The following CYRIB variants were observed in gnomAD, a reference collection of about 807,000 sequenced individuals.
The protein encoded by CYRIB is CYFIP-related Rac1 interactor B.
CYRIB carries 8 observed loss-of-function variants against 44.2 expected under a neutral mutation model. The observed-to-expected ratio is 0.18, with a 90% CI of 0.11 to 0.33. CYRIB has a LOEUF of 0.33. CYRIB is among the 10% of genes least tolerant of loss of function. The probability of loss-of-function intolerance (pLI) is 1.00; values close to 1 mark genes in which losing one functional copy is unlikely to be tolerated. For missense variants in CYRIB, 185 were observed against 382.8 expected, an observed-to-expected ratio of 0.48 and a Z score of 4.31; for synonymous variants, 131 against 127.2, an observed-to-expected ratio of 1.03 and a Z score of -0.20.
chr8:129,932,180 A>G (rs1305251657), intron 1 of CYRIB, among the ~76,000 whole-genome samples: 1 of 151,842 alleles, frequency 6.6e-6, no homozygotes, highest in South Asian at 2.1e-4. Flanking sequence ...TTGCATTTTC[A>G]GTAGAGACAG....
upstream of CYRIB, among the ~76,000 whole-genome samples, chr8:129,944,155 C>A (rs1590801495): frequency 6.6e-6 from 1 of 152,090 alleles, no homozygotes; most frequent in African/African-American, 2.4e-5. Context: ...TGTTTTATAT[C>A]AGGATCACTC....
intron 2 of CYRIB, among the ~76,000 whole-genome samples, chr8:129,897,468 TTAA>T (rs2068642246): frequency 6.6e-6 from 1 of 151,822 alleles, no homozygotes; most frequent in Non-Finnish European, 1.5e-5. Context: ...CCTGTGCTAC[TTAA>T]CAAACCATTA....
chr8:129,967,546 A>ATT (rs1303365847), intron 2 of CYRIB, among the ~76,000 whole-genome samples: 1 of 151,196 alleles, frequency 6.6e-6, no homozygotes, highest in Non-Finnish European at 1.5e-5. Context: ...TGCCCGGCTA[A>ATT]TTTTTTGTAT....
At chr8:129,861,622 GT>G (rs573688560) in intron 5 of CYRIB, among the ~76,000 whole-genome samples, 6,312 of 137,010 alleles carry the variant, frequency 0.046, 214 homozygotes, top group African/African-American at 0.099. Flanking sequence ...TTTGTTTGTT[GT>G]TTTTTTTTTT....
At chr8:129,865,219 A>G (rs1326738133) in intron 4 of CYRIB, among the ~76,000 whole-genome samples, 1 of 152,228 alleles carries the variant, frequency 6.6e-6, no homozygotes, top group Non-Finnish European at 1.5e-5. Context: ...CTAGTAAGAT[A>G]AACTTTGGAG....
At chr8:129,852,326 T>C (rs1490116357) in intron 7 of CYRIB, 48 bp from the exon 10 acceptor site, 3 of 1,202,398 alleles carry the variant, frequency 2.5e-6, no homozygotes, top group Admixed American at 2.6e-5. Flanking sequence ...AATTATTACA[T>C]ATAATAACAA....
intron 1 of CYRIB, among the ~76,000 whole-genome samples, chr8:130,000,376 G>A (rs768609527): frequency 1.3e-5 from 2 of 152,022 alleles, no homozygotes; most frequent in Non-Finnish European, 2.9e-5. Context: ...ATAAATCCTG[G>A]GCATGAAATG....
At chr8:129,864,474 CA>C (rs1236122150) in intron 4 of CYRIB, 3 of 166,540 alleles carry the variant, frequency 1.8e-5, no homozygotes, top group Non-Finnish European at 4.0e-5. Context: ...TCAAATAAGC[CA>C]AGATGGGTAC....
intron 1 of CYRIB, among the ~76,000 whole-genome samples, chr8:130,003,573 GA>G (rs1317122709): frequency 6.6e-6 from 1 of 150,702 alleles, no homozygotes; most frequent in Non-Finnish European, 1.5e-5. Context: ...CTGCCCTGCT[GA>G]ATGAGAGATC....
chr8:129,865,112 G>A (rs2052701098), intron 4 of CYRIB: 1 of 153,532 alleles, frequency 6.5e-6, no homozygotes, highest in Non-Finnish European at 1.4e-5. Context: ...GGATAGTTAT[G>A]TCTGTTTACA....
chr8:129,873,124 T>C (rs989869154), intron 3 of CYRIB, among the ~76,000 whole-genome samples: 4 of 152,034 alleles, frequency 2.6e-5, no homozygotes, highest in African/African-American at 7.2e-5. Flanking sequence ...GTAACATTCA[T>C]ATGTAAAGTC....
chr8:129,972,205 G>C (rs1346770906), intron 1 of CYRIB, among the ~76,000 whole-genome samples: 10 of 152,132 alleles, frequency 6.6e-5, no homozygotes, highest in African/African-American at 2.4e-4. Context: ...GCCAGTGTAG[G>C]TTTTCTTTCT....
chr8:129,910,178 A>T (rs1043090586), intron 1 of CYRIB, among the ~76,000 whole-genome samples: 1 of 152,188 alleles, frequency 6.6e-6, no homozygotes, highest in Admixed American at 6.5e-5. Context: ...AGATGTGGCC[A>T]GAAGGCCCAG....
chr8:129,850,834 C>T lies in CYRIB; in HGVS notation c.713+1G>A. On this transcript the variant is annotated splice_donor_variant, in intron 9 of 11. Coordinates refer to ENST00000519824, the Ensembl canonical transcript of CYRIB. LOFTEE classifies it high-confidence loss of function. ...AGTGAAAAAGATCAGCTGATACTCACGGTGTTTCCAGCATGACTCTGCATA... is the reference window on the plus strand; with the variant it reads ...AGTGAAAAAGATCAGCTGATACTCATGGTGTTTCCAGCATGACTCTGCATA... The T allele has an allele frequency of 6.2e-7, 1 of 1,606,798 alleles. No homozygotes were observed. Among genetic ancestry groups the T allele is most frequent in the Non-Finnish European group, 8.5e-7 (1 of 1,174,208 alleles).
chr8:129,956,135 T>G (rs1201414785), intron 2 of CYRIB, among the ~76,000 whole-genome samples: 1 of 152,168 alleles, frequency 6.6e-6, no homozygotes, highest in Non-Finnish European at 1.5e-5. Context: ...CAAAACTGTC[T>G]CGTGGAGCGC....
exon 12 of CYRIB, chr8:129,840,173 C>A: frequency 6.1e-6 from 1 of 164,858 alleles, no homozygotes; most frequent in Non-Finnish European, 1.4e-5. Flanking sequence ...TTTATTCCCT[C>A]ACAATCCTGG....
At chr8:129,994,283 T>C (rs936719131) in intron 1 of CYRIB, among the ~76,000 whole-genome samples, 2 of 151,784 alleles carry the variant, frequency 1.3e-5, no homozygotes, top group African/African-American at 4.8e-5. Flanking sequence ...GGGGGTGGCA[T>C]GGAACAGACT....
intron 5 of CYRIB, among the ~76,000 whole-genome samples, chr8:129,861,819 CTT>C (rs1240810473): frequency 6.6e-6 from 1 of 152,128 alleles, no homozygotes; most frequent in Admixed American, 6.5e-5. Flanking sequence ...AAGAAAACCT[CTT>C]TGATTTCTTT....
chr8:129,898,695 T>C (rs2069635232), intron 2 of CYRIB, among the ~76,000 whole-genome samples: 1 of 152,188 alleles, frequency 6.6e-6, no homozygotes, highest in Non-Finnish European at 1.5e-5. Context: ...TACAAAAACA[T>C]ATTTTTCTTC....
Sources: gnomAD v4.1 joint callset for allele counts (sites outside exome capture counted in the v4.1 genomes callset) on GRCh38, gnomAD v4.1.1 for gene constraint, MANE v1.5 for transcripts, NCBI Gene and HGNC (gene_info 2026-07-23, HGNC 2026-07-21) for gene names.